Variants in LSM8 observed in about 807,000 individuals in gnomAD.
The protein encoded by LSM8 is LSM8 U6 small nuclear RNA associated.
A neutral mutation model predicts 15.0 loss-of-function variants in LSM8; 14 were observed. That is an observed-to-expected ratio of 0.93 (90% CI 0.62 to 1.46). LSM8 has a LOEUF of 1.46. LSM8 is among the 40% of genes most tolerant of loss of function. The pLI is 0.00. For missense variants in LSM8, 90 were observed against 115.4 expected (o/e 0.78, Z 1.01); for synonymous variants, 50 against 42.1 (o/e 1.19, Z -0.73).
rs1424346617 is a variant in LSM8 at position 118,197,163 on chromosome 7, A to G, written c.*5161A>G. On this transcript the variant is annotated 3_prime_UTR_variant, in exon 4 of 4. Coordinates refer to ENST00000249299, the MANE Select transcript of LSM8 (RefSeq NM_016200.5). ...CTCTCTTCTCTTTAGGGTAATGTTC[A>G]ATTACACTGCATATATTTTGCTATT... Among the ~76,000 whole-genome samples the G allele has an allele frequency of 4.0e-5, 6 of 151,196 alleles. No individual in the cohort carries two copies. The highest frequency in any genetic ancestry group is 8.8e-5 in the Non-Finnish European group (6 of 67,926).
At position 118,194,294 on chromosome 7, in the gene LSM8, A is replaced by C. The variant is rs538045925; in HGVS notation, c.*2292A>C. On this transcript the variant is annotated 3_prime_UTR_variant, in exon 4 of 4. Transcript: ENST00000249299. ...CAATCTAAACCCAGCTTAATGAATCAAAGAGATGTTTCTTGGCAAGATATT... is the reference window on the plus strand; with the variant it reads ...CAATCTAAACCCAGCTTAATGAATCCAAGAGATGTTTCTTGGCAAGATATT... 4.6e-5 allele frequency among the ~76,000 whole-genome samples: 7 copies of C among 152,234 alleles called. No homozygotes were observed. The South Asian group carries it at 8.3e-4, about 18-fold the overall frequency.
rs573202429 is a variant in LSM8, at chr7:118,186,088, C to T, written c.72+394C>T. On this transcript the variant is annotated intron_variant, in intron 2 of 3. Coordinates refer to ENST00000249299, the MANE Select transcript of LSM8 (RefSeq NM_016200.5). The stretch of plus-strand genomic sequence containing the variant: ...ATTAATATCTAGATAACATTTAAGG[C>T]TTGTATACAATCTTAATATTCTTTG... 5.5e-4 allele frequency among the ~76,000 whole-genome samples: 84 copies of T among 152,216 alleles called. 1 individual carries two copies. In the Middle Eastern group the frequency reaches 0.01, roughly 18 times the overall value.
intron 2 of LSM8, among the ~76,000 whole-genome samples, chr7:118,186,467 A>G (rs1808892069): frequency 6.6e-6 from 1 of 151,276 alleles, no homozygotes; most frequent in African/African-American, 2.4e-5. Flanking sequence ...GCTTTTGTTC[A>G]TTTTCTTTTT....
Position 118,197,323 on chromosome 7 carries a change from A to G in LSM8, c.*5321A>G, listed in dbSNP as rs1809097282. Among the ~76,000 whole-genome samples, 1 of 152,094 alleles carries G rather than the reference A, an allele frequency of 6.6e-6. No homozygotes were observed. ...TCAGGGTGGGTGGGGAGACAACTCC[A>G]GGGACACAATACATTGTGTCTTGTA... On this transcript the variant is annotated 3_prime_UTR_variant, in exon 4 of 4. Transcript: ENST00000249299.
At position 118,196,124 on chromosome 7, in the gene LSM8, A is replaced by T. The variant is rs1562863946; in HGVS notation, c.*4122A>T. ...CAAACTTCAAAAAAATAGATTTTGGAATTTTGTCAGGGACACTTATCAAGC... is the reference window on the plus strand; with the variant it reads ...CAAACTTCAAAAAAATAGATTTTGGTATTTTGTCAGGGACACTTATCAAGC... On this transcript the variant is annotated 3_prime_UTR_variant, in exon 4 of 4. Coordinates refer to ENST00000249299, the MANE Select transcript of LSM8 (RefSeq NM_016200.5). Among the ~76,000 whole-genome samples the T allele has an allele frequency of 1.3e-5, 2 of 152,114 alleles. No individual in the cohort carries two copies. The highest frequency in any genetic ancestry group is 4.8e-5 in the African/African-American group (2 of 41,412).
chr7:118,192,310 A>C lies in LSM8; in HGVS notation c.*308A>C. On this transcript the variant is annotated 3_prime_UTR_variant, in exon 4 of 4. Transcript: ENST00000249299. ...GTATTTATGGAAACTAGTGGAAAAG[A>C]GAAATTAGTGTGCTATATAAATCAG... The C allele has an allele frequency of 4.8e-6, 1 of 210,234 alleles. No homozygotes were observed. The highest frequency in any genetic ancestry group is 9.6e-6 in the Non-Finnish European group (1 of 104,516). 13.0% of individuals were successfully genotyped at this position (210,234 alleles called of 1,614,324 possible).
chr7:118,184,205 A>C lies in LSM8; in HGVS notation c.-19A>C. On this transcript the variant is annotated 5_prime_UTR_variant, in exon 1 of 4. Transcript: ENST00000249299. ...CTGTCGGCACCGCTGCGTTACCCGG[A>C]ACCGCCGGGCCGAACAGCATGACGT... 6.5e-6 allele frequency: 10 copies of C among 1,543,108 alleles called. No individual in the cohort carries two copies. Among genetic ancestry groups the C allele is most frequent in the Non-Finnish European group, 8.7e-6 (10 of 1,143,042 alleles).
intron 2 of LSM8, among the ~76,000 whole-genome samples, chr7:118,185,908 T>TA (rs1808881748): frequency 6.6e-6 from 1 of 152,254 alleles, no homozygotes; most frequent in African/African-American, 2.4e-5. Context: ...GCTAGAATAA[T>TA]AGATTCTGCC....
Position 118,184,204 on chromosome 7 carries a change from G to A in LSM8, c.-20G>A. 1 of 1,542,958 alleles carries A rather than the reference G, an allele frequency of 6.5e-7. No homozygotes were observed. The highest frequency in any genetic ancestry group is 2.5e-5 in the East Asian group (1 of 39,484). On this transcript the variant is annotated 5_prime_UTR_variant, in exon 1 of 4. Coordinates refer to ENST00000249299, the MANE Select transcript of LSM8 (RefSeq NM_016200.5). ...GCTGTCGGCACCGCTGCGTTACCCG[G>A]AACCGCCGGGCCGAACAGCATGACG...
chr7:118,188,676 G>A (rs1014308623), intron 3 of LSM8: 1 of 246,014 alleles, frequency 4.1e-6, no homozygotes, highest in Admixed American at 5.3e-5. Context: ...TAGTTAAGTA[G>A]CCTGGGTAGA....
In LSM8 at chr7:118,195,391, T is replaced by G. The variant is rs1333824991; in HGVS notation, c.*3389T>G. Among the ~76,000 whole-genome samples, 1 of 152,170 alleles carries G rather than the reference T, an allele frequency of 6.6e-6. No homozygotes were observed. The highest frequency in any genetic ancestry group is 2.4e-5 in the African/African-American group (1 of 41,450). On this transcript the variant is annotated 3_prime_UTR_variant, in exon 4 of 4. Coordinates refer to ENST00000249299, the MANE Select transcript of LSM8 (RefSeq NM_016200.5). The stretch of plus-strand genomic sequence containing the variant: ...AACATTTGGTATGATTTTGAGGACA[T>G]AACCGTAAACAGCTATTTAATACTA...
intron 1 of LSM8, chr7:118,184,589 C>T: frequency 4.4e-6 from 1 of 225,286 alleles, no homozygotes; most frequent in East Asian, 9.1e-5. Context: ...GATGAACAGT[C>T]GTCCTGGCGG....
At position 118,191,964 on chromosome 7, in the gene LSM8, A is replaced by C. The variant is rs535061268; in HGVS notation, c.253A>C (p.Asn85His). Reference protein sequence around the residue: ...EETDSALDLGNIRAEPLNSVA... With the variant: ...EETDSALDLGHIRAEPLNSVA... Reference sequence around the variant, plus strand: ...AACAGATTCTGCGCTTGATTTGGGGAATATTCGAGCAGAACCTTTAAATTC... The same window carrying C: ...AACAGATTCTGCGCTTGATTTGGGGCATATTCGAGCAGAACCTTTAAATTC... Residue 85 changes from asparagine (N) to histidine (H), a missense_variant, in exon 4 of 4, where the codon AAT becomes CAT. Asn to His is a moderately conservative substitution (Grantham distance 68, BLOSUM62 1). Coordinates refer to ENST00000249299, the MANE Select transcript of LSM8 (RefSeq NM_016200.5). 1.4e-5 allele frequency: 23 copies of C among 1,613,148 alleles called. No individual in the cohort carries two copies. In the Admixed American group the frequency reaches 2.2e-4, roughly 15 times the overall value.
intron 3 of LSM8, chr7:118,190,826 C>G (rs987968840): frequency 1.3e-5 from 2 of 152,006 alleles, no homozygotes; most frequent in African/African-American, 4.8e-5. Context: ...AGAATTTGGC[C>G]GGGCACAGTG....
At chr7:118,186,058 A>G (rs1455235394) in intron 2 of LSM8, among the ~76,000 whole-genome samples, 1 of 152,116 alleles carries the variant, frequency 6.6e-6, no homozygotes, top group Non-Finnish European at 1.5e-5. Flanking sequence ...AATGATTTAG[A>G]TACTATTAAT....
At chr7:118,185,823 CTCTT>C in intron 2 of LSM8, 129 bp downstream of exon 2, 1 of 757,632 alleles carries the variant, frequency 1.3e-6, no homozygotes, top group African/African-American at 1.8e-5. Flanking sequence ...TATAATTCAG[CTCTT>C]TATCACTTTG....
At position 118,203,213 on chromosome 7, in the gene LSM8, G is replaced by A. The variant is rs1421200677; in HGVS notation, c.*11211G>A. Among the ~76,000 whole-genome samples, 1 of 151,908 alleles carries A rather than the reference G, an allele frequency of 6.6e-6. No homozygotes were observed. Among genetic ancestry groups the A allele is most frequent in the Non-Finnish European group, 1.5e-5 (1 of 67,880 alleles). On this transcript the variant is annotated 3_prime_UTR_variant, in exon 4 of 4. Transcript: ENST00000249299. ...TTTAAAAAATTAATCTCAAAAAACA[G>A]ATTTTAAATTGTACAGGAGAAATGC...
At position 118,193,328 on chromosome 7, in the gene LSM8, T is replaced by G. The variant is rs1183263703; in HGVS notation, c.*1326T>G. Among the ~76,000 whole-genome samples the G allele has an allele frequency of 6.6e-6, 1 of 152,096 alleles. No homozygotes were observed. Among genetic ancestry groups the G allele is most frequent in the Non-Finnish European group, 1.5e-5 (1 of 67,970 alleles). ...TGCTGACCCTTGGCTTAATACAAGT[T>G]CAATAAGAAAAAATGAACAATTTGT... On this transcript the variant is annotated 3_prime_UTR_variant, in exon 4 of 4. Transcript: ENST00000249299.
chr7:118,189,120 C>T lies in LSM8; in HGVS notation c.200+715C>T, dbSNP rs529543466. On this transcript the variant is annotated intron_variant, in intron 3 of 3. Coordinates refer to ENST00000249299, the MANE Select transcript of LSM8 (RefSeq NM_016200.5). ...ACTAAAAATACAAAAATTAGCCAGG[C>T]TTGGTGGCGTGCGCCTGTAGTTCCA... 10 of 152,448 alleles carry T rather than the reference C, an allele frequency of 6.6e-5. No individual in the cohort carries two copies. In the East Asian group the frequency reaches 1.9e-3, roughly 30 times the overall value. 9.4% of individuals were successfully genotyped at this position (152,448 alleles called of 1,614,324 possible).
Sources: gnomAD v4.1 joint callset for allele counts (sites outside exome capture counted in the v4.1 genomes callset) on GRCh38, gnomAD v4.1.1 for gene constraint, MANE v1.5 for transcripts, NCBI Gene and HGNC (gene_info 2026-07-23, HGNC 2026-07-21) for gene names.